The following POLE2 variants were observed in gnomAD, a reference collection of about 807,000 sequenced individuals.
POLE2 encodes DNA polymerase epsilon 2, accessory subunit.
POLE2 carries 56 observed loss-of-function variants against 79.4 expected under a neutral mutation model. That is an observed-to-expected ratio of 0.71 (90% CI 0.57 to 0.88). The LOEUF is 0.88. Ranked by LOEUF, POLE2 falls within the 40% of genes least tolerant of loss-of-function variation. POLE2 has a pLI of 0.00. For missense variants in POLE2, 598 were observed against 638.9 expected, an observed-to-expected ratio of 0.94 and a Z score of 0.69; for synonymous variants, 212 against 214.0, an observed-to-expected ratio of 0.99 and a Z score of 0.08.
intron 10 of POLE2, among the ~76,000 whole-genome samples, chr14:49,659,836 C>T (rs1043518067): frequency 1.3e-5 from 2 of 152,196 alleles, no homozygotes; most frequent in Admixed American, 6.5e-5. Context: ...ACACTCCCTT[C>T]AGCCTCCCAA....
Position 49,650,376 on chromosome 14 carries a change from A to G in POLE2, c.1386T>C (p.Tyr462=). The G allele has an allele frequency of 1.3e-6, 2 of 1,589,210 alleles. No individual in the cohort carries two copies. Among genetic ancestry groups the G allele is most frequent in the Non-Finnish European group, 1.7e-6 (2 of 1,159,850 alleles). ...CTCTCAAAGCATAGTCATATGCCCA[A>G]TACACTGGGCAGACATAAAGAGGTA... ...TPLPLYVCPV[Y]WAYDYALRVY... is the part of the protein sequence containing the mutation. Residue 462 remains tyrosine, a synonymous_variant, in exon 17 of 19, where the codon TAT becomes TAC. Coordinates refer to ENST00000216367, the MANE Select transcript of POLE2 (RefSeq NM_002692.4).
intron 2 of POLE2, among the ~76,000 whole-genome samples, chr14:49,683,174 G>A (rs1322568407): frequency 6.6e-6 from 1 of 152,216 alleles, no homozygotes; most frequent in Non-Finnish European, 1.5e-5. Context: ...GGCCGAGGCA[G>A]GTGGACTGCG....
chr14:49,661,820 T>G (rs1287640905), intron 10 of POLE2, among the ~76,000 whole-genome samples: 1 of 152,224 alleles, frequency 6.6e-6, no homozygotes. Flanking sequence ...TAATGTACTT[T>G]ATTACACCTC....
intron 3 of POLE2, among the ~76,000 whole-genome samples, chr14:49,678,497 T>C (rs1169043844): frequency 2.0e-5 from 3 of 152,126 alleles, no homozygotes; most frequent in Admixed American, 2.0e-4. Context: ...ATAAAGTGAA[T>C]GCAGATTGGT....
intron 10 of POLE2, among the ~76,000 whole-genome samples, chr14:49,658,216 A>G (rs1884844728): frequency 6.6e-6 from 1 of 152,078 alleles, no homozygotes; most frequent in African/African-American, 2.4e-5. Flanking sequence ...AGCTGGGACT[A>G]CAGGCACCTG....
intron 3 of POLE2, among the ~76,000 whole-genome samples, chr14:49,674,670 G>A (rs1030367622): frequency 2.0e-5 from 3 of 152,122 alleles, no homozygotes; most frequent in African/African-American, 7.2e-5. Context: ...GGGTTCAAGC[G>A]ATTCTCCTGC....
At chr14:49,654,745 TA>T in intron 13 of POLE2, 38 bp downstream of exon 13, 2 of 1,465,626 alleles carry the variant, frequency 1.4e-6, no homozygotes, top group Non-Finnish European at 1.8e-6. Flanking sequence ...TTTTTTTAAG[TA>T]AAACGGTGAA....
At chr14:49,667,571 G>C (rs1465700092) in intron 6 of POLE2, among the ~76,000 whole-genome samples, 1 of 138,978 alleles carries the variant, frequency 7.2e-6, no homozygotes, top group African/African-American at 2.7e-5. Flanking sequence ...TTTTTTTTGA[G>C]ATGGGGTTTC....
chr14:49,663,761 G>A (rs1483698795), intron 9 of POLE2, among the ~76,000 whole-genome samples: 8 of 152,134 alleles, frequency 5.3e-5, no homozygotes, highest in Non-Finnish European at 1.2e-4. Context: ...GGGTGCAGTG[G>A]CTCATGCCTG....
intron 5 of POLE2, among the ~76,000 whole-genome samples, chr14:49,671,810 T>G (rs1041332182): frequency 1.6e-4 from 24 of 150,900 alleles, no homozygotes; most frequent in Non-Finnish European, 2.7e-4. Flanking sequence ...AAAAGTTAAC[T>G]GGGTGTGGTG....
chr14:49,651,223 T>G lies in POLE2; in HGVS notation c.1320+46A>C, dbSNP rs192630177. ...TTAAGTGGCTTAATAAAATTTTATA[T>G]AATGCAACATGTAAGGCAGTTTAAT... On this transcript the variant is annotated intron_variant, in intron 16 of 18. Transcript: ENST00000216367. 4 of 810,064 alleles carry G rather than the reference T, an allele frequency of 4.9e-6. No individual in the cohort carries two copies. The African/African-American group carries it at 6.9e-5, about 14-fold the overall frequency. 50.2% of individuals were successfully genotyped at this position (810,064 alleles called of 1,614,324 possible). A position where few individuals can be genotyped will look rare whatever the true frequency, so the allele number is the denominator to read the frequency against.
chr14:49,657,838 T>C (rs540641864), intron 10 of POLE2, among the ~76,000 whole-genome samples: 2 of 152,324 alleles, frequency 1.3e-5, no homozygotes, highest in Admixed American at 1.3e-4. Context: ...AATTTGTACT[T>C]ATATATACAT....
chr14:49,643,559 G>T lies in POLE2; in HGVS notation c.*93C>A. On this transcript the variant is annotated 3_prime_UTR_variant, in exon 19 of 19. Transcript: ENST00000216367. ...ACAAATTTAAGCAGAACATCCTAAA[G>T]TTTACCATAATTTTATTGTAATATC... is the stretch of plus-strand genomic sequence containing the variant. The T allele has an allele frequency of 1.4e-6, 1 of 714,168 alleles. No homozygotes were observed. The highest frequency in any genetic ancestry group is 1.8e-5 in the South Asian group (1 of 54,468). The allele number at this position is 714,168 out of a possible 1,614,324, so 44.2% of individuals were successfully genotyped here.
At chr14:49,667,911 A>G (rs1885600155) in intron 6 of POLE2, among the ~76,000 whole-genome samples, 1 of 152,320 alleles carries the variant, frequency 6.6e-6, no homozygotes, top group South Asian at 2.1e-4. Flanking sequence ...AAAAAATAAA[A>G]ACTTATATAA....
At chr14:49,671,897 T>C (rs530442404) in intron 5 of POLE2, among the ~76,000 whole-genome samples, 3 of 152,252 alleles carry the variant, frequency 2.0e-5, no homozygotes, top group Non-Finnish European at 2.9e-5. Flanking sequence ...GAGGTTACAG[T>C]GAGCCAAGTT....
At chr14:49,649,092 C>A (rs190991575) in intron 17 of POLE2, among the ~76,000 whole-genome samples, 6 of 149,144 alleles carry the variant, frequency 4.0e-5, no homozygotes, top group Non-Finnish European at 8.9e-5. Flanking sequence ...ATTGTTTATG[C>A]AGTATTTATT....
At chr14:49,648,937 CAA>C (rs1883980723) in intron 17 of POLE2, among the ~76,000 whole-genome samples, 1 of 150,308 alleles carries the variant, frequency 6.7e-6, no homozygotes, top group Non-Finnish European at 1.5e-5. Context: ...AGCATCATGC[CAA>C]AAATAAGGCA....
chr14:49,651,516 A>G (rs1199242232), intron 15 of POLE2, 139 bp from the exon 16 acceptor site: 3 of 499,428 alleles, frequency 6.0e-6, no homozygotes, highest in Non-Finnish European at 1.1e-5. Context: ...CTGTCTATTC[A>G]TCTATTCATT....
chr14:49,677,318 G>T, intron 3 of POLE2: 1 of 528,362 alleles, frequency 1.9e-6, no homozygotes. Flanking sequence ...GAGAAAGGCC[G>T]AAGGACGATG....
Sources: gnomAD v4.1 joint callset for allele counts (sites outside exome capture counted in the v4.1 genomes callset) on GRCh38, gnomAD v4.1.1 for gene constraint, MANE v1.5 for transcripts, NCBI Gene and HGNC (gene_info 2026-07-23, HGNC 2026-07-21) for gene names.